The following GLIS3 variants were observed in gnomAD, a reference collection of about 807,000 sequenced individuals.
The protein encoded by GLIS3 is zinc finger protein GLIS3.
Under a neutral mutation model 78.6 loss-of-function variants are expected in GLIS3, and 53 were observed. The observed-to-expected ratio is 0.67, with a 90% confidence interval of 0.54 to 0.85. The LOEUF (loss-of-function observed/expected upper bound fraction) is 0.85, where lower values mean the gene tolerates loss of function less well. GLIS3 is among the 40% of genes least tolerant of loss of function. GLIS3 has a pLI of 0.00. For synonymous variants in GLIS3, 684 were observed against 509.9 expected, an observed-to-expected ratio of 1.34 and a Z score of -4.60; for missense variants, 1,703 against 1,231.1, an observed-to-expected ratio of 1.38 and a Z score of -5.74.
At chr9:3,926,511 T>G (rs958575178) in intron 6 of GLIS3, among the ~76,000 whole-genome samples, 1 of 152,030 alleles carries the variant, frequency 6.6e-6, no homozygotes, top group Non-Finnish European at 1.5e-5. Flanking sequence ...ATTACAGGCG[T>G]GAGCCACCGC....
At chr9:4,324,592 G>C (rs997383922) in intron 2 of GLIS3, among the ~76,000 whole-genome samples, 1 of 152,152 alleles carries the variant, frequency 6.6e-6, no homozygotes, top group African/African-American at 2.4e-5. Flanking sequence ...TTGCACATAA[G>C]TTTGGCAGCA....
chr9:4,446,371 G>A, the GLIS3 span, among the ~76,000 whole-genome samples: 1 of 152,156 alleles, frequency 6.6e-6, no homozygotes, highest in African/African-American at 2.4e-5. Flanking sequence ...CACTAAATCT[G>A]CTGATGCCTT....
intron 2 of GLIS3, among the ~76,000 whole-genome samples, chr9:4,136,712 A>G (rs963032047): frequency 6.6e-6 from 1 of 152,204 alleles, no homozygotes; most frequent in African/African-American, 2.4e-5. Flanking sequence ...AGGAGGCACA[A>G]TGCGTCCTGG....
At chr9:4,464,527 T>G in the GLIS3 span, among the ~76,000 whole-genome samples, 4 of 152,074 alleles carry the variant, frequency 2.6e-5, no homozygotes, top group Non-Finnish European at 5.9e-5. Flanking sequence ...CCCGAGCAGC[T>G]GGGATTACAA....
chr9:4,452,460 G>A, the GLIS3 span, among the ~76,000 whole-genome samples: 1 of 152,158 alleles, frequency 6.6e-6, no homozygotes, highest in Non-Finnish European at 1.5e-5. Context: ...AAGCTGATAA[G>A]CAACTTCAGC....
At chr9:4,247,380 A>C (rs1410742360) in intron 2 of GLIS3, among the ~76,000 whole-genome samples, 1 of 152,256 alleles carries the variant, frequency 6.6e-6, no homozygotes, top group Non-Finnish European at 1.5e-5. Flanking sequence ...TTTCTTATTT[A>C]CATGGTTAAA....
At chr9:4,234,903 T>A (rs1443885287) in intron 2 of GLIS3, among the ~76,000 whole-genome samples, 1 of 152,196 alleles carries the variant, frequency 6.6e-6, no homozygotes, top group Non-Finnish European at 1.5e-5. Flanking sequence ...TAAGAGTCCC[T>A]AGAGTTGGAA....
chr9:3,928,918 A>G (rs1171343165), intron 6 of GLIS3, among the ~76,000 whole-genome samples: 5 of 152,228 alleles, frequency 3.3e-5, no homozygotes, highest in Non-Finnish European at 7.3e-5. Flanking sequence ...TAAAAAGTCC[A>G]TTTCGATATC....
At chr9:4,467,659 A>C in the GLIS3 span, among the ~76,000 whole-genome samples, 1 of 152,208 alleles carries the variant, frequency 6.6e-6, no homozygotes, top group Non-Finnish European at 1.5e-5. Context: ...ACAAAGGTAG[A>C]TAAAACCACA....
Position 4,105,532 on chromosome 9 carries a change from G to A in GLIS3, c.1710+12236C>T, listed in dbSNP as rs1179153346. ...AATGCCTTTTATGAAATTCCTCCTT[G>A]AAAATAAATCATTGACACTGCAAAT... On this transcript the variant is annotated intron_variant, in intron 4 of 10. Transcript: ENST00000381971. Among the ~76,000 whole-genome samples, 4 of 152,138 alleles carry A rather than the reference G, an allele frequency of 2.6e-5. 1 individual carries two copies. Among genetic ancestry groups the A allele is most frequent in the African/African-American group, 9.7e-5 (4 of 41,424 alleles).
chr9:4,275,101 C>T (rs967382305), intron 2 of GLIS3, among the ~76,000 whole-genome samples: 3 of 152,106 alleles, frequency 2.0e-5, no homozygotes, highest in African/African-American at 7.2e-5. Flanking sequence ...ATCTGCCTGC[C>T]TGGGTTTAAA....
the GLIS3 span, among the ~76,000 whole-genome samples, chr9:4,362,919 G>C: frequency 6.6e-6 from 1 of 152,088 alleles, no homozygotes; most frequent in Non-Finnish European, 1.5e-5. Context: ...GAGGGAGGAA[G>C]GAGAGAGATG....
chr9:4,028,300 T>C (rs1248993670), intron 4 of GLIS3, among the ~76,000 whole-genome samples: 1 of 152,190 alleles, frequency 6.6e-6, no homozygotes, highest in Non-Finnish European at 1.5e-5. Flanking sequence ...ATCATGCATT[T>C]TGTAAGACAT....
At chr9:3,887,450 C>T (rs1379706199) in intron 7 of GLIS3, among the ~76,000 whole-genome samples, 2 of 152,166 alleles carry the variant, frequency 1.3e-5, no homozygotes, top group Non-Finnish European at 2.9e-5. Context: ...TGAGCTTAAG[C>T]GTGCTGCTAT....
At chr9:4,175,269 T>G (rs571074754) in intron 2 of GLIS3, among the ~76,000 whole-genome samples, 1 of 152,296 alleles carries the variant, frequency 6.6e-6, no homozygotes, top group Non-Finnish European at 1.5e-5. Context: ...ATAATGTTAT[T>G]TTGTCAGAAT....
chr9:4,311,009 G>C (rs748725693), intron 2 of GLIS3, among the ~76,000 whole-genome samples: 12 of 152,216 alleles, frequency 7.9e-5, no homozygotes, highest in Non-Finnish European at 2.9e-5. Context: ...AGGATTTGGA[G>C]GGCAGTGGGC....
intron 2 of GLIS3, among the ~76,000 whole-genome samples, chr9:4,185,146 T>C (rs1239059583): frequency 6.6e-6 from 1 of 152,224 alleles, no homozygotes; most frequent in Non-Finnish European, 1.5e-5. Context: ...TTGTCAACTT[T>C]CCGTCCCTAT....
chr9:4,048,835 C>T (rs1186932358), intron 4 of GLIS3, among the ~76,000 whole-genome samples: 1 of 152,184 alleles, frequency 6.6e-6, no homozygotes, highest in African/African-American at 2.4e-5. Context: ...AACTTAGTTA[C>T]TTCCAACATT....
chr9:4,467,731 C>G, the GLIS3 span, among the ~76,000 whole-genome samples: 1 of 152,162 alleles, frequency 6.6e-6, no homozygotes, highest in Non-Finnish European at 1.5e-5. Flanking sequence ...GCCTCTTCAC[C>G]CCCAAAGGAA....
Sources: allele counts gnomAD v4.1 joint callset (sites outside exome capture counted in the v4.1 genomes callset), GRCh38; gene constraint gnomAD v4.1.1; transcripts MANE v1.5; gene names NCBI Gene and HGNC (gene_info 2026-07-23, HGNC 2026-07-21).